MED4: variants seen among roughly 807,000 people sequenced by gnomAD.
The protein encoded by MED4 is mediator of RNA polymerase II transcription subunit 4.
Under a neutral mutation model 35.0 loss-of-function variants are expected in MED4, and 21 were observed. That is an observed-to-expected ratio of 0.60 (90% CI 0.43 to 0.86). The LOEUF (loss-of-function observed/expected upper bound fraction) is 0.86, where lower values mean the gene tolerates loss of function less well. Ranked by LOEUF, MED4 falls within the 40% of genes least tolerant of loss-of-function variation. The pLI, the probability that MED4 is intolerant of heterozygous loss-of-function variation, is 0.00. For missense variants in MED4, 300 were observed against 319.4 expected (o/e 0.94, Z 0.46); for synonymous variants, 138 against 114.0 (o/e 1.21, Z -1.34).
chr13:48,081,887 G>A (rs1950810948), intron 4 of MED4, among the ~76,000 whole-genome samples, 156 bp from the exon 5 acceptor site: 1 of 152,120 alleles, frequency 6.6e-6, no homozygotes, highest in Non-Finnish European at 1.5e-5. Flanking sequence ...TACATGTTTA[G>A]TATAAACTTA....
At chr13:48,080,512 C>T (rs1056732260) in intron 5 of MED4, among the ~76,000 whole-genome samples, 25 of 151,096 alleles carry the variant, frequency 1.7e-4, no homozygotes, top group African/African-American at 5.8e-4. Context: ...TCTGAATCTT[C>T]CCAAGAATAT....
chr13:48,085,345 G>C (rs990564375), intron 3 of MED4, among the ~76,000 whole-genome samples: 2 of 152,000 alleles, frequency 1.3e-5, no homozygotes, highest in African/African-American at 4.8e-5. Flanking sequence ...CTAATTTTTT[G>C]TATTTGTAAT....
chr13:48,090,307 T>C (rs368525724), intron 2 of MED4, 45 bp downstream of exon 2: 99 of 1,439,532 alleles, frequency 6.9e-5, no homozygotes, highest in Non-Finnish European at 8.4e-5. Context: ...TTCTTTTAAT[T>C]AAAAAACAAA....
intron 1 of MED4, among the ~76,000 whole-genome samples, chr13:48,093,013 C>T (rs1266289925): frequency 3.3e-5 from 5 of 152,042 alleles, no homozygotes; most frequent in East Asian, 1.9e-4. Flanking sequence ...TCCCCAACTG[C>T]GAAAAAGAGG....
intron 3 of MED4, among the ~76,000 whole-genome samples, chr13:48,085,235 A>C (rs1016820317): frequency 9.0e-5 from 13 of 144,464 alleles, no homozygotes; most frequent in Admixed American, 4.2e-4. Flanking sequence ...ACAATAGCGC[A>C]ATCTCAGCTC....
At position 48,076,688 on chromosome 13, in the gene MED4, GT is replaced by G. The variant is rs1462560411; in HGVS notation, c.*450del. ...CAAGAGCCTTTACTGTCAAATGGCA[GT>G]TTTTGTTACTTTTAAATGACACACA... On this transcript the variant is annotated 3_prime_UTR_variant, in exon 7 of 7. Transcript: ENST00000258648. 5 of 152,514 alleles carry G rather than the reference GT, an allele frequency of 3.3e-5. No individual in the cohort carries two copies. Among genetic ancestry groups the G allele is most frequent in the Admixed American group, 3.3e-4 (5 of 15,290 alleles). 9.4% of individuals were successfully genotyped at this position (152,514 alleles called of 1,614,324 possible). A position where few individuals can be genotyped will look rare whatever the true frequency, so the allele number is the denominator to read the frequency against.
chr13:48,094,746 C>G (rs564688996), intron 1 of MED4, among the ~76,000 whole-genome samples: 1 of 151,352 alleles, frequency 6.6e-6, no homozygotes, highest in South Asian at 2.1e-4. Context: ...GAGTTCTTAT[C>G]ATTACTAAAA....
In MED4 at chr13:48,092,646, A is replaced by C. The variant is rs536485115; in HGVS notation, c.126-2228T>G. On this transcript the variant is annotated intron_variant, in intron 1 of 6. Transcript: ENST00000258648. Reference sequence around the variant, plus strand: ...TAATCGTGATGGGAGAAACATGGACAGATTTCAGATATCTTTTGGAGGTAG... The same window carrying C: ...TAATCGTGATGGGAGAAACATGGACCGATTTCAGATATCTTTTGGAGGTAG... 3.8e-3 allele frequency among the ~76,000 whole-genome samples: 582 copies of C among 152,354 alleles called. 2 individuals are homozygous for C. Among genetic ancestry groups the C allele is most frequent in the African/African-American group, 0.013 (545 of 41,570 alleles).
At chr13:48,088,494 C>T (rs1341262653) in intron 2 of MED4, among the ~76,000 whole-genome samples, 1 of 152,174 alleles carries the variant, frequency 6.6e-6, no homozygotes, top group Admixed American at 6.5e-5. Flanking sequence ...AATCCTCATT[C>T]CTCCCACATC....
rs1950764081 is a variant in MED4, at chr13:48,076,982, A to T, written c.*157T>A. The T allele has an allele frequency of 1.7e-6, 1 of 574,310 alleles. No homozygotes were observed. Among genetic ancestry groups the T allele is most frequent in the Non-Finnish European group, 2.8e-6 (1 of 356,216 alleles). The allele number at this position is 574,310 out of a possible 1,614,324, so 35.6% of individuals were successfully genotyped here. A position where few individuals can be genotyped will look rare whatever the true frequency, so the allele number is the denominator to read the frequency against. On this transcript the variant is annotated 3_prime_UTR_variant, in exon 7 of 7. Coordinates refer to ENST00000258648, the MANE Select transcript of MED4 (RefSeq NM_014166.4). ...AACTATGGTCTTTGGCTTTAAAAAG[A>T]AAGTCAAAAAATTTTGACTTTTAAT...
intron 3 of MED4, among the ~76,000 whole-genome samples, chr13:48,085,279 C>T (rs538993746): frequency 6.6e-6 from 1 of 150,860 alleles, no homozygotes; most frequent in South Asian, 2.1e-4. Flanking sequence ...TCACGCGATT[C>T]TCCTGCCTCA....
At chr13:48,091,001 A>G (rs1159489743) in intron 1 of MED4, among the ~76,000 whole-genome samples, 5 of 152,230 alleles carry the variant, frequency 3.3e-5, no homozygotes, top group Admixed American at 2.6e-4. Flanking sequence ...CAGAGACTAT[A>G]TGGCCCATAA....
In MED4 at chr13:48,090,409, T is replaced by A; in HGVS notation, c.135A>T (p.Ile45=). Residue 45 remains isoleucine (I), a synonymous_variant, in exon 2 of 7, where the codon ATA becomes ATT. Transcript: ENST00000258648. ...EDLEVLSREL[I]EMLAISRNQK... Reference sequence around the variant, plus strand: ...GGTTTCTTGAAATTGCCAGCATTTCTATAAGTTCCCTAAAAAAAAAAAACC... The same window carrying A: ...GGTTTCTTGAAATTGCCAGCATTTCAATAAGTTCCCTAAAAAAAAAAAACC... 3.8e-6 allele frequency: 6 copies of A among 1,596,058 alleles called. No homozygotes were observed. Among genetic ancestry groups the A allele is most frequent in the Non-Finnish European group, 5.1e-6 (6 of 1,173,638 alleles).
Position 48,077,251 on chromosome 13 carries a change from G to C in MED4, c.701C>G (p.Pro234Arg). ...CAACAAAAAGTCACTACTATGATTT[G>C]GTGGTAACATATTCATCGACATGTC... ...SNDMSMNMLP[P>R]NHSSDFLLEP... The change falls in exon 7 of 7, where the codon CCA (proline) becomes CGA (arginine). Residue 234 changes from proline (P) to arginine (R), a missense_variant. Physicochemically the swap from Pro to Arg is moderately radical, Grantham distance 103. Transcript: ENST00000258648. 1 of 1,587,844 alleles carries C rather than the reference G, an allele frequency of 6.3e-7. No homozygotes were observed. Among genetic ancestry groups the C allele is most frequent in the Non-Finnish European group, 8.5e-7 (1 of 1,170,752 alleles).
chr13:48,095,071 G>T lies in MED4; in HGVS notation c.8C>A (p.Ala3Glu). ...CTTCTCCTTCTCACCACTCGAAGAC[G>T]CAGCCATTTTCCCCAGAGTCCCGCC... Reference protein sequence around the residue: MAASSSGEKEKER... With the variant: MAESSSGEKEKER... The change falls in exon 1 of 7, where the codon GCG (alanine) becomes GAG (glutamate). Residue 3 changes from alanine (A) to glutamate (E), a missense_variant. Ala to Glu is a moderately radical substitution (Grantham distance 107, BLOSUM62 -1). Transcript: ENST00000258648. 3 of 1,603,682 alleles carry T rather than the reference G, an allele frequency of 1.9e-6. No homozygotes were observed. The highest frequency in any genetic ancestry group is 2.5e-6 in the Non-Finnish European group (3 of 1,179,842).
intron 2 of MED4, 152 bp from the exon 3 acceptor site, chr13:48,086,604 A>T (rs2137836005): frequency 3.2e-6 from 2 of 633,230 alleles, no homozygotes; most frequent in East Asian, 6.0e-5. Context: ...AAAAGAGCCT[A>T]CCTATGATTA....
chr13:48,086,557 A>C lies in MED4; in HGVS notation c.193-105T>G, dbSNP rs1371791267. The C allele has an allele frequency of 8.4e-6, 8 of 955,280 alleles. No homozygotes were observed. The East Asian group carries it at 2.1e-4, about 26-fold the overall frequency. The allele number at this position is 955,280 out of a possible 1,614,324, so 59.2% of individuals were successfully genotyped here. A position where few individuals can be genotyped will look rare whatever the true frequency, so the allele number is the denominator to read the frequency against. On this transcript the variant is annotated intron_variant, in intron 2 of 6. Transcript: ENST00000258648. ...AATTGGCTAGGCTATAAATTTCAAC[A>C]CCTTCAAAATTTTATTCCTAATTCT...
chr13:48,083,274 A>T, intron 4 of MED4, 97 bp downstream of exon 4: 1 of 945,482 alleles, frequency 1.1e-6, no homozygotes, highest in Non-Finnish European at 1.6e-6. Context: ...AATCTTTTCA[A>T]CAGCAGCAAA....
rs577923876 is a variant in MED4, at chr13:48,084,958, C to T, written c.363+1324G>A. ...CCCAGTTCATTGCAACCTCTGCCTC[C>T]CGGGTTCAAGAGATTCTCCTGCCTC... On this transcript the variant is annotated intron_variant, in intron 3 of 6. Coordinates refer to ENST00000258648, the MANE Select transcript of MED4 (RefSeq NM_014166.4). 5.9e-5 allele frequency among the ~76,000 whole-genome samples: 9 copies of T among 152,020 alleles called. No homozygotes were observed. The South Asian group carries it at 1.2e-3, about 21-fold the overall frequency.
Sources: allele counts gnomAD v4.1 joint callset (sites outside exome capture counted in the v4.1 genomes callset), GRCh38; gene constraint gnomAD v4.1.1; transcripts MANE v1.5; gene names NCBI Gene and HGNC (gene_info 2026-07-23, HGNC 2026-07-21).